The following MYOM2 variants were observed in gnomAD, a reference collection of about 807,000 sequenced individuals.
MYOM2 encodes myomesin-2.
Under a neutral mutation model 187.6 loss-of-function variants are expected in MYOM2, and 254 were observed. That is an observed-to-expected ratio of 1.35 (90% confidence interval 1.22 to 1.50). MYOM2 has a LOEUF of 1.50. Among genes scored for constraint, MYOM2 ranks in the 40% most tolerant of loss-of-function variants. The pLI is 0.00. For synonymous variants in MYOM2, 981 were observed against 753.8 expected, an observed-to-expected ratio of 1.30 and a Z score of -4.94; for missense variants, 2,796 against 1,924.0, an observed-to-expected ratio of 1.45 and a Z score of -8.48.
At chr8:2,073,166 G>A (rs1282757877) in intron 9 of MYOM2, among the ~76,000 whole-genome samples, 173 bp from the exon 10 acceptor site, 2 of 152,228 alleles carry the variant, frequency 1.3e-5, no homozygotes, top group East Asian at 1.9e-4. Flanking sequence ...CAGTTCACGC[G>A]TGTGCTTCCA....
chr8:2,142,237 G>A lies in MYOM2; in HGVS notation c.4002-138G>A, dbSNP rs1798298315. 3 of 877,260 alleles carry A rather than the reference G, an allele frequency of 3.4e-6. No homozygotes were observed. In the African/African-American group the frequency reaches 5.0e-5, roughly 15 times the overall value. The allele number at this position is 877,260 out of a possible 1,614,324, so 54.3% of individuals were successfully genotyped here. ...TCCTGGGGTCCTGTGACCCGAACAT[G>A]TTCTTCTAAGAGAATGCAAACGTAT... On this transcript the variant is annotated intron_variant, in intron 34 of 36. Coordinates refer to ENST00000262113, the MANE Select transcript of MYOM2 (RefSeq NM_003970.4).
At chr8:2,103,198 A>C (rs1169475005) in intron 21 of MYOM2, among the ~76,000 whole-genome samples, 1 of 151,810 alleles carries the variant, frequency 6.6e-6, no homozygotes, top group African/African-American at 2.4e-5. Context: ...TGTGTGGATA[A>C]ATGAGTGGGA....
At position 2,100,706 on chromosome 8, in the gene MYOM2, T is replaced by TCCTTACCCTG. The variant is rs1472555756; in HGVS notation, c.2441-168_2441-159dup. ...ACCCCCAACGTCATGCTGAGCACCC[T>TCCTTACCCTG]CCTTACCCTGCTCTGCAAGAGAGGC... On this transcript the variant is annotated intron_variant, in intron 19 of 36. Coordinates refer to ENST00000262113, the MANE Select transcript of MYOM2 (RefSeq NM_003970.4). Among the ~76,000 whole-genome samples the TCCTTACCCTG allele has an allele frequency of 2.7e-5, 4 of 150,140 alleles. No homozygotes were observed. In the Admixed American group the frequency reaches 2.7e-4, roughly 10 times the overall value.
At chr8:2,050,150 C>G (rs1308699967) in intron 1 of MYOM2, among the ~76,000 whole-genome samples, 2 of 152,188 alleles carry the variant, frequency 1.3e-5, no homozygotes, top group African/African-American at 2.4e-5. Flanking sequence ...AGAGTGATTT[C>G]TGGTCACACC....
In MYOM2 at chr8:2,145,270, G is replaced by A. The variant is rs1052619296; in HGVS notation, c.*289G>A. On this transcript the variant is annotated 3_prime_UTR_variant, in exon 37 of 37. Transcript: ENST00000262113. ...ACAACACACTAGAATTTTCACGGGT[G>A]TGGGCACATGGGTGTGGCACCTGGA... The A allele has an allele frequency of 1.9e-6, 1 of 527,622 alleles. No individual in the cohort carries two copies. The highest frequency in any genetic ancestry group is 3.3e-6 in the Non-Finnish European group (1 of 300,384). 32.7% of individuals were successfully genotyped at this position (527,622 alleles called of 1,614,324 possible).
At chr8:2,090,249 A>C (rs745325512) in intron 15 of MYOM2, 58 bp downstream of exon 15, 2 of 1,481,924 alleles carry the variant, frequency 1.3e-6, no homozygotes, top group Admixed American at 2.0e-5. Context: ...GGGTGACACC[A>C]AATAGCCTTA....
chr8:2,092,592 T>C lies in MYOM2; in HGVS notation c.2003+72T>C, dbSNP rs6991362. 4.6e-3 allele frequency: 6,748 copies of C among 1,479,632 alleles called. 258 individuals carry two copies. The African/African-American group carries it at 0.083, about 18-fold the overall frequency. 91.7% of individuals were successfully genotyped at this position (1,479,632 alleles called of 1,614,324 possible). A position where few individuals can be genotyped will look rare whatever the true frequency, so the allele number is the denominator to read the frequency against. ...AAGACCGTTGAGGTCCCTGTGGCCCTGGCACAGGGAGTACCATGGCCGCAA... is the reference window on the plus strand; with the variant it reads ...AAGACCGTTGAGGTCCCTGTGGCCCCGGCACAGGGAGTACCATGGCCGCAA... On this transcript the variant is annotated intron_variant, in intron 16 of 36. Transcript: ENST00000262113.
At chr8:2,122,440 C>T (rs1797488747) in intron 28 of MYOM2, among the ~76,000 whole-genome samples, 1 of 152,236 alleles carries the variant, frequency 6.6e-6, no homozygotes, top group African/African-American at 2.4e-5. Context: ...AGTCCCAGTG[C>T]TGTCGAGAAC....
intron 16 of MYOM2, among the ~76,000 whole-genome samples, chr8:2,093,440 T>A (rs1796376181): frequency 6.6e-6 from 1 of 152,220 alleles, no homozygotes; most frequent in South Asian, 2.1e-4. Flanking sequence ...GAGTTTTCCA[T>A]GTAGTGCCTG....
intron 19 of MYOM2, among the ~76,000 whole-genome samples, chr8:2,100,008 CTTCCTTTCT>C (rs749198672): frequency 8.0e-5 from 9 of 113,190 alleles, no homozygotes; most frequent in African/African-American, 1.9e-4. Flanking sequence ...TCCTTCCTTC[CTTCCTTTCT>C]TTCCTTCCTT....
intron 14 of MYOM2, among the ~76,000 whole-genome samples, chr8:2,086,513 T>TGTGTGGCCCACCGCTGTCGTGATCTCC (rs1796078518): frequency 6.5e-4 from 75 of 115,398 alleles, no homozygotes; most frequent in Non-Finnish European, 8.2e-4. Context: ...TCGTGATCTC[T>TGTGTGGCCCACCGCTGTCGTGATCTCC]GCGTGGCCCC....
chr8:2,096,293 C>A lies in MYOM2; in HGVS notation c.2172C>A (p.Gly724=). Residue 724 remains glycine (G), a synonymous_variant, in exon 18 of 37, where the codon GGC becomes GGA. Coordinates refer to ENST00000262113, the MANE Select transcript of MYOM2 (RefSeq NM_003970.4). ...PYGITLLNCD[G]HSMTLGWKVP... is the part of the protein sequence containing the mutation. ...GGATTACGCTCCTCAACTGTGACGG[C>A]CACTCCATGACCCTCGGCTGGAAGG... 4 of 1,614,190 alleles carry A rather than the reference C, an allele frequency of 2.5e-6. No homozygotes were observed. The highest frequency in any genetic ancestry group is 3.4e-6 in the Non-Finnish European group (4 of 1,180,040).
intron 1 of MYOM2, among the ~76,000 whole-genome samples, chr8:2,048,796 ATT>A (rs201019888): frequency 7.7e-5 from 11 of 141,986 alleles, no homozygotes; most frequent in Admixed American, 2.1e-4. Context: ...TTTTTATTTT[ATT>A]TTTTTTTTTG....
At chr8:2,132,771 T>C (rs959488215) in intron 32 of MYOM2, among the ~76,000 whole-genome samples, 6 of 152,174 alleles carry the variant, frequency 3.9e-5, no homozygotes, top group Non-Finnish European at 7.3e-5. Context: ...ACTCCAAATG[T>C]GTATTTTAAT....
At chr8:2,115,413 C>T (rs912616302) in intron 25 of MYOM2, among the ~76,000 whole-genome samples, 1 of 152,236 alleles carries the variant, frequency 6.6e-6, no homozygotes, top group East Asian at 1.9e-4. Context: ...TAAAATGAAA[C>T]ATTTAAAAAA....
In MYOM2 at chr8:2,059,868, C is replaced by A. The variant is rs373108268; in HGVS notation, c.653+623C>A. On this transcript the variant is annotated intron_variant, in intron 6 of 36. Coordinates refer to ENST00000262113, the MANE Select transcript of MYOM2 (RefSeq NM_003970.4). ...AGCGATTCTCCTGCCTCAGCCTCCC[C>A]AGTAGTGGGGATTACAGACATGGGC... 3.7e-4 allele frequency among the ~76,000 whole-genome samples: 56 copies of A among 152,004 alleles called. 1 individual carries two copies. In the East Asian group the frequency reaches 8.2e-3, roughly 22 times the overall value.
chr8:2,100,593 C>G (rs1302603966), intron 19 of MYOM2: 2 of 431,888 alleles, frequency 4.6e-6, no homozygotes, highest in East Asian at 3.9e-5. Context: ...CCGTTCCTCT[C>G]TGTGATCGCA....
chr8:2,128,903 T>C (rs1435676750), intron 31 of MYOM2, among the ~76,000 whole-genome samples: 5 of 152,212 alleles, frequency 3.3e-5, no homozygotes, highest in Non-Finnish European at 5.9e-5. Flanking sequence ...TACAGTATTC[T>C]GCAAAGAGCT....
chr8:2,079,690 A>T, intron 13 of MYOM2, 77 bp downstream of exon 13: 1 of 1,473,996 alleles, frequency 6.8e-7, no homozygotes, highest in South Asian at 1.1e-5. Context: ...AGAGATGGAC[A>T]GAGAACGCCC....
Sources: allele counts gnomAD v4.1 joint callset (sites outside exome capture counted in the v4.1 genomes callset), GRCh38; gene constraint gnomAD v4.1.1; transcripts MANE v1.5; gene names NCBI Gene and HGNC (gene_info 2026-07-23, HGNC 2026-07-21).